MAX: variants seen among roughly 807,000 people sequenced by gnomAD.
MAX encodes protein max.
In MAX, 3 loss-of-function variants were observed where a neutral mutation model predicts 22.3. The ratio of observed to expected loss-of-function variants is 0.13; its 90% confidence interval spans 0.06 to 0.35. The LOEUF (loss-of-function observed/expected upper bound fraction) is 0.35, where lower values mean the gene tolerates loss of function less well. Ranked by LOEUF, MAX falls within the 10% of genes least tolerant of loss-of-function variation. The pLI is 1.00. For synonymous variants in MAX, 72 were observed against 77.7 expected, an observed-to-expected ratio of 0.93 and a Z score of 0.39; for missense variants, 119 against 209.4, an observed-to-expected ratio of 0.57 and a Z score of 2.66.
In MAX at chr14:65,084,387, ACCCTCT is replaced by A; in HGVS notation, c.172-6357_172-6352del. On this transcript the variant is annotated intron_variant, in intron 3 of 4. Coordinates refer to ENST00000358664, the MANE Select transcript of MAX (RefSeq NM_002382.5). This position sits in a 1 kb window ranked among gnomAD's most constrained non-coding sequence, Gnocchi z 4.3. ...CTAACTTTTGTTTACTGAATTAGTT[ACCCTCT>A]TCCAAAAAAAAAAATTCCAGTGATA... 1 of 837,266 alleles carries A rather than the reference ACCCTCT, an allele frequency of 1.2e-6. No individual in the cohort carries two copies. 51.9% of individuals were successfully genotyped at this position (837,266 alleles called of 1,614,324 possible).
In MAX at chr14:65,040,940, C is replaced by T. The variant is rs111476775; in HGVS notation, c.172-34656G>A. ...TATTAGTAAGTATCTTTTGAGCCAT[C>T]CCCCTCTCAGGCCCCAGGTCATGGT... is the stretch of plus-strand genomic sequence containing the variant. On this transcript the variant is annotated intron_variant, in intron 3 of 3. Transcript: ENST00000341653. 3.2e-4 allele frequency: 515 copies of T among 1,610,568 alleles called. 3 individuals carry two copies. In the African/African-American group the frequency reaches 5.7e-3, roughly 18 times the overall value.
intron 3 of MAX, among the ~76,000 whole-genome samples, chr14:65,050,542 G>T (rs2062583633): frequency 6.6e-6 from 1 of 152,160 alleles, no homozygotes; most frequent in Admixed American, 6.5e-5. Flanking sequence ...AGTGAGCTGA[G>T]ATCACACCAC....
chr14:65,079,374 C>T lies in MAX; in HGVS notation c.172-1338G>A, dbSNP rs1296477196. Among the ~76,000 whole-genome samples the T allele has an allele frequency of 6.6e-6, 1 of 152,190 alleles. No homozygotes were observed. Among genetic ancestry groups the T allele is most frequent in the Non-Finnish European group, 1.5e-5 (1 of 68,032 alleles). ...ATGGCTGTGGGTTGCCTGGGTACTG[C>T]CTTGCTAGAGTAAGTTCGTAAGTCA... On this transcript the variant is annotated intron_variant, in intron 3 of 4. Transcript: ENST00000358664. The surrounding 1 kb of genome is among the most constrained non-coding windows in gnomAD (Gnocchi z 4.5).
At position 65,079,908 on chromosome 14, in the gene MAX, AT is replaced by A. The variant is rs2063159841; in HGVS notation, c.172-1873del. Among the ~76,000 whole-genome samples the A allele has an allele frequency of 1.3e-5, 2 of 152,178 alleles. No homozygotes were observed. The highest frequency in any genetic ancestry group is 2.9e-5 in the Non-Finnish European group (2 of 68,036). ...TCAAGGAAATTGTTCATAATCAACC[AT>A]TTTTATCAGGTGCAAATTACGTACA... On this transcript the variant is annotated intron_variant, in intron 3 of 4. Transcript: ENST00000358664. The surrounding 1 kb of genome is among the most constrained non-coding windows in gnomAD (Gnocchi z 4.5).
intron 3 of MAX, chr14:65,053,057 G>A (rs2062649533): frequency 1.2e-5 from 5 of 403,182 alleles, no homozygotes; most frequent in Admixed American, 4.6e-5. Context: ...ACATGTCAAA[G>A]TTCAGGAGAA....
At chr14:65,043,551 G>A (rs535640029) in intron 3 of MAX, among the ~76,000 whole-genome samples, 2 of 152,132 alleles carry the variant, frequency 1.3e-5, no homozygotes, top group East Asian at 1.9e-4. Flanking sequence ...GGCCGGGCAC[G>A]GTGGCTCACG....
rs2139963063 is a variant in MAX at position 65,101,531 on chromosome 14, G to A, written c.63+15C>T. On this transcript the variant is annotated intron_variant, in intron 2 of 4. Transcript: ENST00000358664. ...TGAACGGAAATAAAAATGAAATGGAGAGTAGGAGACGTACCGCAGATTGAA... is the reference window on the plus strand; with the variant it reads ...TGAACGGAAATAAAAATGAAATGGAAAGTAGGAGACGTACCGCAGATTGAA... The A allele has an allele frequency of 6.2e-7, 1 of 1,606,190 alleles. No homozygotes were observed. Among genetic ancestry groups the A allele is most frequent in the Non-Finnish European group, 8.5e-7 (1 of 1,173,726 alleles).
intron 3 of MAX, among the ~76,000 whole-genome samples, chr14:65,085,358 TTTC>T (rs1480822418): frequency 6.6e-6 from 1 of 152,228 alleles, no homozygotes; most frequent in East Asian, 1.9e-4. Flanking sequence ...ATTCATGTTT[TTTC>T]TTCTTCCCAT....
rs967464380 is a variant in MAX, at chr14:65,058,898, G to A, written c.171+34810C>T. On this transcript the variant is annotated intron_variant, in intron 3 of 3. Coordinates refer to the MAX transcript ENST00000341653. Reference sequence around the variant, plus strand: ...TAGTACTTTTATTTAGGATTTTTTTGCATGTACATTCATAAGAAAGATTGA... The same window carrying A: ...TAGTACTTTTATTTAGGATTTTTTTACATGTACATTCATAAGAAAGATTGA... 4.6e-5 allele frequency among the ~76,000 whole-genome samples: 7 copies of A among 152,000 alleles called. No individual in the cohort carries two copies. In the East Asian group the frequency reaches 1.3e-3, roughly 29 times the overall value.
intron 3 of MAX, among the ~76,000 whole-genome samples, chr14:65,006,616 C>A (rs570248958): frequency 6.6e-6 from 1 of 152,276 alleles, no homozygotes; most frequent in Non-Finnish European, 1.5e-5. Flanking sequence ...GGTTGTACCC[C>A]CGATGACTCA....
chr14:65,057,962 C>T (rs1446839694), intron 3 of MAX, among the ~76,000 whole-genome samples: 2 of 152,174 alleles, frequency 1.3e-5, no homozygotes, highest in Non-Finnish European at 2.9e-5. Flanking sequence ...GTAGGCAAGT[C>T]CTGTCTGCCT....
In MAX at chr14:65,078,588, G is replaced by A. The variant is rs187153194; in HGVS notation, c.172-552C>T. 2.2e-3 allele frequency among the ~76,000 whole-genome samples: 333 copies of A among 148,586 alleles called. 1 individual carries two copies. Among genetic ancestry groups the A allele is most frequent in the Admixed American group, 4.2e-3 (62 of 14,904 alleles). Reference sequence around the variant, plus strand: ...TCTGTTGCCCAGGCTGGAGTAGAGTGGTGTGATCTCAGCTCACTGCAACCT... The same window carrying A: ...TCTGTTGCCCAGGCTGGAGTAGAGTAGTGTGATCTCAGCTCACTGCAACCT... On this transcript the variant is annotated intron_variant, in intron 3 of 4. Coordinates refer to ENST00000358664, the MANE Select transcript of MAX (RefSeq NM_002382.5). This position sits in a 1 kb window ranked among gnomAD's most constrained non-coding sequence, Gnocchi z 6.4.
In MAX at chr14:65,077,672, C is replaced by A; in HGVS notation, c.295+241G>T. ...AGCCCCAAGAAGGGGAGAGGTCAGGCCAGAAAAGATACAAGTCTCCAGATG... is the reference window on the plus strand; with the variant it reads ...AGCCCCAAGAAGGGGAGAGGTCAGGACAGAAAAGATACAAGTCTCCAGATG... On this transcript the variant is annotated intron_variant, in intron 4 of 4. Coordinates refer to ENST00000358664, the MANE Select transcript of MAX (RefSeq NM_002382.5). This position sits in a 1 kb window ranked among gnomAD's most constrained non-coding sequence, Gnocchi z 6.3. 1 of 1,511,946 alleles carries A rather than the reference C, an allele frequency of 6.6e-7. No homozygotes were observed. The allele number at this position is 1,511,946 out of a possible 1,614,324, so 93.7% of individuals were successfully genotyped here.
chr14:65,030,580 A>G lies in MAX; in HGVS notation c.172-24296T>C, dbSNP rs941993212. Among the ~76,000 whole-genome samples, 4 of 152,002 alleles carry G rather than the reference A, an allele frequency of 2.6e-5. No individual in the cohort carries two copies. The highest frequency in any genetic ancestry group is 5.9e-5 in the Non-Finnish European group (4 of 68,008). On this transcript the variant is annotated intron_variant, in intron 3 of 3. Transcript: ENST00000341653. The surrounding 1 kb of genome is among the most constrained non-coding windows in gnomAD (Gnocchi z 4.5). Reference sequence around the variant, plus strand: ...ACAGCAAGACCCTGTCTCTACAAAAAATTTTTAAAAAATTAGCCAGGTGTG... The same window carrying G: ...ACAGCAAGACCCTGTCTCTACAAAAGATTTTTAAAAAATTAGCCAGGTGTG...
At chr14:65,061,237 A>G (rs1354949158) in intron 3 of MAX, 1 of 1,614,188 alleles carries the variant, frequency 6.2e-7, no homozygotes, top group Non-Finnish European at 8.5e-7. Flanking sequence ...AGGCCACTAC[A>G]TACTTTCTAC....
In MAX at chr14:65,069,589, C is replaced by A. The variant is rs2139718062; in HGVS notation, c.171+24119G>T. On this transcript the variant is annotated intron_variant, in intron 3 of 3. Coordinates refer to the MAX transcript ENST00000341653. This position sits in a 1 kb window ranked among gnomAD's most constrained non-coding sequence, Gnocchi z 4.6. ...CCCGAGGGTTGAACTCACGCAGAGG[C>A]AACCCTGGAACCGCCCTATCAAGGG... Among the ~76,000 whole-genome samples the A allele has an allele frequency of 6.6e-6, 1 of 152,370 alleles. No homozygotes were observed. Among genetic ancestry groups the A allele is most frequent in the East Asian group, 1.9e-4 (1 of 5,190 alleles).
chr14:65,072,500 C>A (rs2062998887), downstream of MAX, among the ~76,000 whole-genome samples: 1 of 152,216 alleles, frequency 6.6e-6, no homozygotes, highest in African/African-American at 2.4e-5. Flanking sequence ...GCCTAACTTC[C>A]CCAACAGCGT....
chr14:65,061,216 C>A, intron 3 of MAX: 1 of 1,614,160 alleles, frequency 6.2e-7, no homozygotes, highest in Non-Finnish European at 8.5e-7. Flanking sequence ...TTGGACCAGA[C>A]AAGGTGATCC....
intron 3 of MAX, chr14:65,016,600 T>C (rs1375262495): frequency 1.3e-5 from 2 of 152,256 alleles, no homozygotes; most frequent in Non-Finnish European, 2.9e-5. Flanking sequence ...CCCTCTCTGG[T>C]CACAGAGCCC....
Sources: gnomAD v4.1 joint callset for allele counts (sites outside exome capture counted in the v4.1 genomes callset) on GRCh38, gnomAD v4.1.1 for gene constraint, Gnocchi (gnomAD v3.1) non-coding constraint, MANE v1.5 for transcripts, NCBI Gene and HGNC (gene_info 2026-07-23, HGNC 2026-07-21) for gene names.